The following LRIF1 variants were observed in gnomAD, a reference collection of about 807,000 sequenced individuals.
LRIF1 encodes ligand dependent nuclear receptor interacting factor 1, also known as ligand-dependent nuclear receptor-interacting factor 1.
In LRIF1, 32 loss-of-function variants were observed where a neutral mutation model predicts 52.7. That is an observed-to-expected ratio of 0.61 (90% CI 0.46 to 0.82). The LOEUF (loss-of-function observed/expected upper bound fraction) is 0.82, where lower values mean the gene tolerates loss of function less well. LRIF1 is among the 40% of genes least tolerant of loss of function. The pLI is 0.00. For synonymous variants in LRIF1, 323 were observed against 317.4 expected, an observed-to-expected ratio of 1.02 and a Z score of -0.19; for missense variants, 887 against 892.0, an observed-to-expected ratio of 0.99 and a Z score of 0.07.
chr1:110,905,958 G>C, the LRIF1 span, among the ~76,000 whole-genome samples: 1 of 152,074 alleles, frequency 6.6e-6, no homozygotes. Flanking sequence ...AGAGTGTTAA[G>C]TTGTTATCAG....
At chr1:110,926,610 GAA>G in the LRIF1 span, among the ~76,000 whole-genome samples, 1 of 151,944 alleles carries the variant, frequency 6.6e-6, no homozygotes, top group East Asian at 1.9e-4. Flanking sequence ...GTAAAACTTA[GAA>G]AGACATTACA....
the LRIF1 span, among the ~76,000 whole-genome samples, chr1:110,879,077 G>A: frequency 4.0e-5 from 6 of 151,622 alleles, no homozygotes; most frequent in Non-Finnish European, 5.9e-5. Context: ...TTTTTAAAAC[G>A]TATGAAACAA....
the LRIF1 span, among the ~76,000 whole-genome samples, chr1:110,890,042 C>T: frequency 6.6e-6 from 1 of 152,144 alleles, no homozygotes; most frequent in African/African-American, 2.4e-5. Context: ...AGAAGTAGCT[C>T]ATCAGGCTTA....
At chr1:110,894,167 C>T in the LRIF1 span, 2 of 639,684 alleles carry the variant, frequency 3.1e-6, no homozygotes, top group South Asian at 1.8e-5. Context: ...AGAAAAAGAA[C>T]ACATATTTTC....
the LRIF1 span, among the ~76,000 whole-genome samples, chr1:110,912,940 C>T: frequency 1.3e-5 from 2 of 152,168 alleles, no homozygotes; most frequent in African/African-American, 4.8e-5. Context: ...TACTGCAACA[C>T]TATAGTAATC....
rs1428953213 is a variant in LRIF1, at chr1:110,951,595, G to T, written c.1289C>A (p.Ser430Tyr). 2 of 1,614,060 alleles carry T rather than the reference G, an allele frequency of 1.2e-6. No individual in the cohort carries two copies. Residue 430 changes from serine (S) to tyrosine (Y), a missense_variant, in exon 2 of 4, where the codon TCC becomes TAC. By Grantham distance (144) the Ser-to-Tyr change is moderately radical. Transcript: ENST00000369763. ...KSSQMETKSL[S>Y]NTQLASMANL... ...GGCCATGGAAGCAAGCTGGGTATTG[G>T]AAAGTGATTTTGTCTCCATCTGGGA... is the stretch of plus-strand genomic sequence containing the variant.
At chr1:110,938,535 C>T in the LRIF1 span, 1 of 152,120 alleles carries the variant, frequency 6.6e-6, no homozygotes, top group Non-Finnish European at 1.5e-5. Context: ...CCTCAAAGAA[C>T]TTGGGATAGA....
chr1:110,915,530 G>C, the LRIF1 span, among the ~76,000 whole-genome samples: 4 of 134,124 alleles, frequency 3.0e-5, no homozygotes, highest in Admixed American at 1.5e-4. Flanking sequence ...TACTTACTAT[G>C]TTCAAAAATG....
the LRIF1 span, chr1:110,940,998 C>T: frequency 3.9e-5 from 6 of 152,084 alleles, no homozygotes; most frequent in Admixed American, 3.9e-4. Context: ...TCTTGTAACA[C>T]AAAGGATAAA....
chr1:110,892,802 A>T, the LRIF1 span: 1 of 352,618 alleles, frequency 2.8e-6, no homozygotes. Flanking sequence ...ATTCCCCTTT[A>T]TAGCATTTTA....
At chr1:110,910,274 C>T in the LRIF1 span, among the ~76,000 whole-genome samples, 6 of 144,554 alleles carry the variant, frequency 4.2e-5, no homozygotes, top group African/African-American at 1.3e-4. Flanking sequence ...ACCACACATT[C>T]GGTCTTAAAG....
chr1:110,886,927 G>A, the LRIF1 span, among the ~76,000 whole-genome samples: 91,308 of 143,806 alleles, frequency 0.63, 31,083 homozygotes, highest in Non-Finnish European at 0.76. Context: ...CTTCAAGTTC[G>A]CTAGTTTTTT....
chr1:110,876,258 T>G, the LRIF1 span, among the ~76,000 whole-genome samples: 2 of 152,208 alleles, frequency 1.3e-5, no homozygotes, highest in African/African-American at 4.8e-5. Context: ...CAGAATGTCT[T>G]CTGATTCTCT....
the LRIF1 span, among the ~76,000 whole-genome samples, chr1:110,927,672 C>A: frequency 6.6e-6 from 1 of 152,142 alleles, no homozygotes; most frequent in Non-Finnish European, 1.5e-5. Flanking sequence ...TACGGGTCAG[C>A]TACAAAATGG....
chr1:110,949,867 T>C lies in LRIF1; in HGVS notation c.1853A>G (p.Glu618Gly). The C allele has an allele frequency of 6.2e-7, 1 of 1,613,882 alleles. No homozygotes were observed. ...TYKETEFMVK[E>G]GERKQQNFDK... ...ATTACCTACCTGTTTTCTCTCTCCT[T>C]CCTTCACCATAAACTCTGTCTCTTT... The change falls in exon 3 of 4, where the codon GAA becomes GGA. Residue 618 changes from glutamate (E) to glycine (G), a missense_variant. Physicochemically the swap from Glu to Gly is moderately conservative, Grantham distance 98 (BLOSUM62 -2). Transcript: ENST00000369763.
the LRIF1 span, among the ~76,000 whole-genome samples, chr1:110,875,260 A>G: frequency 2.0e-5 from 3 of 152,178 alleles, no homozygotes; most frequent in Non-Finnish European, 1.5e-5. Context: ...ACAGAGCCAC[A>G]TGAAGTGGAA....
At chr1:110,951,078 T>C (rs943270876) in intron 2 of LRIF1, among the ~76,000 whole-genome samples, 1 of 152,194 alleles carries the variant, frequency 6.6e-6, no homozygotes, top group South Asian at 2.1e-4. Context: ...AGAGAAAGAC[T>C]GTACTCCTTT....
At chr1:110,943,021 C>T (rs1658125622), downstream of LRIF1, among the ~76,000 whole-genome samples, 1 of 151,990 alleles carries the variant, frequency 6.6e-6, no homozygotes, top group African/African-American at 2.4e-5. Context: ...AGGGGAGGAA[C>T]TAGCCAAAGA....
the LRIF1 span, among the ~76,000 whole-genome samples, chr1:110,920,141 C>G: frequency 6.6e-6 from 1 of 152,146 alleles, no homozygotes; most frequent in African/African-American, 2.4e-5. Flanking sequence ...TATAGTCTTG[C>G]AAAACTGAGC....
Sources: allele counts gnomAD v4.1 joint callset (sites outside exome capture counted in the v4.1 genomes callset), GRCh38; gene constraint gnomAD v4.1.1; transcripts MANE v1.5; gene names NCBI Gene and HGNC (gene_info 2026-07-23, HGNC 2026-07-21).